Variants in CDKL5 observed in about 807,000 individuals in gnomAD.
CDKL5 encodes cyclin dependent kinase like 5, also known as cyclin-dependent kinase-like 5.
Under a neutral mutation model 61.7 loss-of-function variants are expected in CDKL5, and 8 were observed. The ratio of observed to expected loss-of-function variants is 0.13; its 90% CI spans 0.08 to 0.23. CDKL5 has a LOEUF of 0.23. Ranked by LOEUF, CDKL5 falls within the 10% of genes least tolerant of loss-of-function variation. The probability of loss-of-function intolerance (pLI) is 1.00; values close to 1 mark genes in which losing one functional copy is unlikely to be tolerated. For missense variants in CDKL5, 440 were observed against 734.5 expected, an observed-to-expected ratio of 0.60 and a Z score of 4.63; for synonymous variants, 275 against 272.3, an observed-to-expected ratio of 1.01 and a Z score of -0.10.
chrX:18,589,146 T>C (rs1278674235), intron 9 of CDKL5: 2 of 110,609 alleles, frequency 1.8e-5, no homozygotes, highest in Non-Finnish European at 3.8e-5. Context: ...CAGCCAGTTT[T>C]TTTTTTTTAT....
intron 3 of CDKL5, among the ~76,000 whole-genome samples, chrX:18,522,209 A>G (rs1031409444): frequency 1.8e-5 from 2 of 109,625 alleles, no homozygotes; most frequent in African/African-American, 6.7e-5. Context: ...TCTTTTAGCA[A>G]TGTTTTGTAG....
At chrX:18,442,684 C>T (rs765985043) in intron 1 of CDKL5, among the ~76,000 whole-genome samples, 14 of 110,793 alleles carry the variant, frequency 1.3e-4, no homozygotes, top group African/African-American at 4.3e-4. Flanking sequence ...TTGGTAGAGA[C>T]GGGGTTTCAC....
At chrX:18,485,114 AT>A (rs1160959529) in intron 1 of CDKL5, among the ~76,000 whole-genome samples, 3 of 106,345 alleles carry the variant, frequency 2.8e-5, no homozygotes, top group Non-Finnish European at 5.8e-5. Flanking sequence ...TTTTTTTAAT[AT>A]AATTTTTGAT....
chrX:18,432,599 A>T (rs187716656), intron 1 of CDKL5, among the ~76,000 whole-genome samples: 1,174 of 102,535 alleles, frequency 0.011, 10 homozygotes, highest in Middle Eastern at 0.03. Flanking sequence ...ATCTTAAAAG[A>T]TGTCTTTTTT....
At chrX:18,443,793 C>T (rs975205879) in intron 1 of CDKL5, 2 of 111,146 alleles carry the variant, frequency 1.8e-5, no homozygotes, top group African/African-American at 3.3e-5. Flanking sequence ...ATTTAGCTCC[C>T]GTTAATTTTT....
At chrX:18,506,760 T>A (rs1430452399) in intron 1 of CDKL5, among the ~76,000 whole-genome samples, 175 bp from the exon 2 acceptor site, 2 of 112,304 alleles carry the variant, frequency 1.8e-5, no homozygotes, top group African/African-American at 6.5e-5. Flanking sequence ...GGTTCATTTG[T>A]TTGTATTCAT....
intron 3 of CDKL5, among the ~76,000 whole-genome samples, chrX:18,521,757 A>G (rs2147102543): frequency 9.0e-6 from 1 of 111,696 alleles, no homozygotes; most frequent in South Asian, 3.7e-4. Flanking sequence ...TTGCTTGTGG[A>G]TATTCAGTTG....
chrX:18,431,469 T>C (rs1159045375), intron 1 of CDKL5, among the ~76,000 whole-genome samples: 4 of 106,570 alleles, frequency 3.8e-5, no homozygotes, highest in African/African-American at 1.4e-4. Context: ...TTGCTCAGGC[T>C]GGAGTGCAGT....
chrX:18,645,071 G>A (rs1927723037), downstream of CDKL5, among the ~76,000 whole-genome samples: 2 of 112,225 alleles, frequency 1.8e-5, no homozygotes, highest in Non-Finnish European at 3.8e-5. Flanking sequence ...TTCCTGCCTC[G>A]TGCAGAGCAC....
intron 1 of CDKL5, among the ~76,000 whole-genome samples, chrX:18,469,064 C>T (rs569400459): frequency 3.6e-5 from 4 of 110,812 alleles, no homozygotes; most frequent in South Asian, 7.7e-4. Flanking sequence ...TAGGGCTGGG[C>T]GTGGTGGCTA....
At chrX:18,527,461 A>G (rs903693533) in intron 3 of CDKL5, among the ~76,000 whole-genome samples, 2 of 111,859 alleles carry the variant, frequency 1.8e-5, no homozygotes, top group African/African-American at 6.5e-5. Context: ...AATTTTGGTA[A>G]TTTGTATGTT....
chrX:18,517,983 C>T (rs1156559573), intron 3 of CDKL5, among the ~76,000 whole-genome samples: 2 of 111,316 alleles, frequency 1.8e-5, no homozygotes, highest in East Asian at 2.8e-4. Flanking sequence ...CCAGCCTGCG[C>T]GACAGAGCAA....
chrX:18,474,961 TG>T (rs1921247999), intron 1 of CDKL5, among the ~76,000 whole-genome samples: 1 of 110,583 alleles, frequency 9.0e-6, no homozygotes, highest in African/African-American at 3.3e-5. Context: ...TTTTGTTTTT[TG>T]GTTTTTTTTT....
chrX:18,647,437 G>C (rs750545625), intron 20 of CDKL5: 8 of 872,062 alleles, frequency 9.2e-6, no homozygotes, highest in Non-Finnish European at 1.3e-5. Context: ...CTTCGGAGAC[G>C]GAGAAGGCTT....
chrX:18,508,423 A>G (rs1333285811), intron 2 of CDKL5, among the ~76,000 whole-genome samples: 1 of 112,005 alleles, frequency 8.9e-6, no homozygotes, highest in Non-Finnish European at 1.9e-5. Context: ...CCATTTCTTC[A>G]TCGATGTTAT....
chrX:18,616,861 A>G (rs1038623538), intron 15 of CDKL5, among the ~76,000 whole-genome samples: 7 of 110,926 alleles, frequency 6.3e-5, no homozygotes, highest in Admixed American at 9.6e-5. Context: ...AAAGTGTCAC[A>G]GAGTAATGCT....
At chrX:18,449,656 T>A (rs1931962587) in intron 1 of CDKL5, among the ~76,000 whole-genome samples, 1 of 113,049 alleles carries the variant, frequency 8.8e-6, no homozygotes, top group African/African-American at 3.2e-5. Context: ...GGTTTCTCCT[T>A]ATTGTTTTTT....
intron 1 of CDKL5, among the ~76,000 whole-genome samples, chrX:18,476,211 C>G (rs968344410): frequency 3.6e-5 from 4 of 111,059 alleles, no homozygotes; most frequent in Non-Finnish European, 5.7e-5. Flanking sequence ...TAATGTCCTT[C>G]TTTATCTTTT....
downstream of CDKL5, chrX:18,642,134 C>T: frequency 5.8e-6 from 7 of 1,211,339 alleles, no homozygotes; most frequent in South Asian, 5.3e-5. Context: ...CGTGGAGGTG[C>T]GGTCCGAGTT....
Sources: allele counts gnomAD v4.1 joint callset (sites outside exome capture counted in the v4.1 genomes callset), GRCh38; gene constraint gnomAD v4.1.1; transcripts MANE v1.5; gene names NCBI Gene and HGNC (gene_info 2026-07-23, HGNC 2026-07-21).